Variants in IFNGR1 observed in about 807,000 individuals in gnomAD.
The protein encoded by IFNGR1 is AVP, type 2.
IFNGR1 carries 23 observed loss-of-function variants against 35.4 expected under a neutral mutation model. The ratio of observed to expected loss-of-function variants is 0.65; its 90% CI spans 0.47 to 0.92. The LOEUF (loss-of-function observed/expected upper bound fraction) is 0.92, where lower values mean the gene tolerates loss of function less well. Among genes scored for constraint, IFNGR1 ranks in the 40% least tolerant of loss-of-function variants. The probability of loss-of-function intolerance (pLI) is 0.00; values close to 1 mark genes in which losing one functional copy is unlikely to be tolerated. For synonymous variants in IFNGR1, 199 were observed against 209.5 expected, an observed-to-expected ratio of 0.95 and a Z score of 0.43; for missense variants, 533 against 583.4, an observed-to-expected ratio of 0.91 and a Z score of 0.89.
At position 137,203,386 on chromosome 6, in the gene IFNGR1, T is replaced by C. The variant is rs534795295; in HGVS notation, c.733+113A>G. The C allele has an allele frequency of 1.1e-5, 8 of 716,300 alleles. No individual in the cohort carries two copies. In the African/African-American group the frequency reaches 1.4e-4, roughly 13 times the overall value. The allele number at this position is 716,300 out of a possible 1,614,324, so 44.4% of individuals were successfully genotyped here. A position where few individuals can be genotyped will look rare whatever the true frequency, so the allele number is the denominator to read the frequency against. On this transcript the variant is annotated intron_variant, in intron 5 of 6. Coordinates refer to ENST00000367739, the MANE Select transcript of IFNGR1 (RefSeq NM_000416.3). ...CTCTAAGGAATGGAACTAATGCAAATGAATATTGTTAAAACAGATCTTTTG... is the reference window on the plus strand; with the variant it reads ...CTCTAAGGAATGGAACTAATGCAAACGAATATTGTTAAAACAGATCTTTTG...
chr6:137,199,486 A>G (rs189510084), intron 6 of IFNGR1, among the ~76,000 whole-genome samples: 1 of 84,170 alleles, frequency 1.2e-5, no homozygotes, highest in African/African-American at 4.6e-5. Flanking sequence ...TATAATTTAT[A>G]ATATATTATA....
intron 1 of IFNGR1, among the ~76,000 whole-genome samples, chr6:137,218,049 A>G (rs962484356): frequency 2.0e-5 from 3 of 152,208 alleles, no homozygotes; most frequent in Admixed American, 2.0e-4. Flanking sequence ...GCAACTGCCC[A>G]TGTGGATGAC....
Position 137,219,342 on chromosome 6 carries a change from T to C in IFNGR1, c.-15A>G. 1 of 1,595,920 alleles carries C rather than the reference T, an allele frequency of 6.3e-7. No homozygotes were observed. Among genetic ancestry groups the C allele is most frequent in the South Asian group, 1.1e-5 (1 of 88,018 alleles). On this transcript the variant is annotated 5_prime_UTR_variant, in exon 1 of 7. Coordinates refer to ENST00000367739, the MANE Select transcript of IFNGR1 (RefSeq NM_000416.3). ...AGGAGAGCCATGCTGCTACCGACGG[T>C]CGCTGGCTCCAACCCCGAGCGCCTG...
intron 1 of IFNGR1, among the ~76,000 whole-genome samples, chr6:137,211,604 T>C (rs1779576172): frequency 6.6e-6 from 1 of 152,332 alleles, no homozygotes; most frequent in East Asian, 1.9e-4. Context: ...TCTAAGCAAC[T>C]TCCTTGTAGG....
At chr6:137,207,767 T>G (rs930469619) in intron 1 of IFNGR1, among the ~76,000 whole-genome samples, 3 of 152,142 alleles carry the variant, frequency 2.0e-5, no homozygotes, top group Admixed American at 2.0e-4. Context: ...TTCCCAGTCT[T>G]GGGCATGTCT....
intron 1 of IFNGR1, among the ~76,000 whole-genome samples, chr6:137,209,315 T>C (rs903078727): frequency 1.3e-5 from 2 of 152,134 alleles, no homozygotes; most frequent in East Asian, 1.9e-4. Context: ...TTGGAAGGCA[T>C]GATTGGTTTT....
chr6:137,205,965 C>T (rs1779417772), intron 3 of IFNGR1, among the ~76,000 whole-genome samples, 171 bp downstream of exon 3: 1 of 152,190 alleles, frequency 6.6e-6, no homozygotes, highest in Non-Finnish European at 1.5e-5. Flanking sequence ...GATTTTGGAG[C>T]ATTCTGGGTT....
At chr6:137,202,515 T>C (rs968833093) in intron 5 of IFNGR1, among the ~76,000 whole-genome samples, 1 of 152,100 alleles carries the variant, frequency 6.6e-6, no homozygotes, top group African/African-American at 2.4e-5. Context: ...AGCCTATATT[T>C]CCATTCCTCG....
intron 6 of IFNGR1, among the ~76,000 whole-genome samples, chr6:137,200,489 T>G (rs1779251626): frequency 6.6e-6 from 1 of 152,242 alleles, no homozygotes; most frequent in Non-Finnish European, 1.5e-5. Flanking sequence ...AACTCCTGTA[T>G]GTCCCTCAAG....
chr6:137,215,137 T>C, intron 1 of IFNGR1: 1 of 1,153,086 alleles, frequency 8.7e-7, no homozygotes, highest in Non-Finnish European at 1.2e-6. Flanking sequence ...CCATACATAT[T>C]TTACCAATGA....
Position 137,206,184 on chromosome 6 carries a change from T to C in IFNGR1, c.325A>G (p.Lys109Glu), listed in dbSNP as rs780883054. ...WVRVKARVGQ[K>E]ESAYAKSEEF... Reference sequence around the variant, plus strand: ...TCTGACTTTGCATAGGCAGATTCTTTTTGTCCAACCCTGGCTTTAACTCTG... The same window carrying C: ...TCTGACTTTGCATAGGCAGATTCTTCTTGTCCAACCCTGGCTTTAACTCTG... Residue 109 changes from lysine (K) to glutamate (E), a missense_variant, in exon 3 of 7, where the codon AAA becomes GAA. By Grantham distance (56) the Lys-to-Glu change is moderately conservative. Coordinates refer to ENST00000367739, the MANE Select transcript of IFNGR1 (RefSeq NM_000416.3). 3 of 1,614,046 alleles carry C rather than the reference T, an allele frequency of 1.9e-6. No individual in the cohort carries two copies. The African/African-American group carries it at 4.0e-5, about 22-fold the overall frequency.
chr6:137,198,431 G>A lies in IFNGR1; in HGVS notation c.1070C>T (p.Thr357Ile). 1 of 1,614,156 alleles carries A rather than the reference G, an allele frequency of 6.2e-7. No individual in the cohort carries two copies. Among genetic ancestry groups the A allele is most frequent in the Non-Finnish European group, 8.5e-7 (1 of 1,180,030 alleles). ...CACGTCAGGAATATTTTCTTCAGTA[G>A]TCACCACTTCTGTTATACTAGAAAG... is the stretch of plus-strand genomic sequence containing the variant. ...EELSSITEVV[T>I]TEENIPDVVP... Residue 357 changes from threonine (T) to isoleucine (I), a missense_variant, in exon 7 of 7, where the codon ACT becomes ATT. Thr to Ile is a moderately conservative substitution (Grantham distance 89). Transcript: ENST00000367739.
chr6:137,199,215 C>T lies in IFNGR1; in HGVS notation c.862-576G>A, dbSNP rs373598501. 1.0e-4 allele frequency among the ~76,000 whole-genome samples: 15 copies of T among 148,198 alleles called. No individual in the cohort carries two copies. The South Asian group carries it at 1.9e-3, about 19-fold the overall frequency. ...CCTTGCTCCTCAGCCTGCAGATGGC[C>T]TATTGTGGGACCTCTGATCGTGTGA... is the stretch of plus-strand genomic sequence containing the variant. On this transcript the variant is annotated intron_variant, in intron 6 of 6. Transcript: ENST00000367739.
intron 5 of IFNGR1, 122 bp from the exon 6 acceptor site, chr6:137,201,130 G>T: frequency 9.9e-7 from 1 of 1,014,810 alleles, no homozygotes; most frequent in Non-Finnish European, 1.5e-6. Context: ...GAGTTTTAAA[G>T]AACACTGAAG....
At chr6:137,205,398 C>T (rs199938408) in intron 3 of IFNGR1, among the ~76,000 whole-genome samples, 2 of 152,054 alleles carry the variant, frequency 1.3e-5, no homozygotes, top group Non-Finnish European at 2.9e-5. Flanking sequence ...AGTTGGAATA[C>T]AGGAACTGGA....
intron 5 of IFNGR1, among the ~76,000 whole-genome samples, chr6:137,201,710 T>C (rs1779282603): frequency 6.6e-6 from 1 of 151,962 alleles, no homozygotes; most frequent in African/African-American, 2.4e-5. Flanking sequence ...AGAAAGAAAT[T>C]CTGGCAATGT....
At chr6:137,201,911 A>T (rs1779287001) in intron 5 of IFNGR1, among the ~76,000 whole-genome samples, 1 of 152,156 alleles carries the variant, frequency 6.6e-6, no homozygotes, top group South Asian at 2.1e-4. Context: ...AAGCACATAC[A>T]TCTAGAATCA....
rs183864706 is a variant in IFNGR1, at chr6:137,210,775, G to A, written c.86-3698C>T. ...CTTCAGATTTCCTGATCTGTCATGA[G>A]GTGTTACTTTCATATCCCTAAGATA... On this transcript the variant is annotated intron_variant, in intron 1 of 6. Transcript: ENST00000367739. Among the ~76,000 whole-genome samples the A allele has an allele frequency of 2.0e-3, 307 of 152,266 alleles. 7 individuals are homozygous for A. Among genetic ancestry groups the A allele is most frequent in the Admixed American group, 0.019 (295 of 15,286 alleles).
chr6:137,210,923 T>A (rs1196919959), intron 1 of IFNGR1, among the ~76,000 whole-genome samples: 1 of 152,176 alleles, frequency 6.6e-6, no homozygotes, highest in Non-Finnish European at 1.5e-5. Flanking sequence ...AAGCAGAACA[T>A]GGATTAAGAG....
Sources: allele counts gnomAD v4.1 joint callset (sites outside exome capture counted in the v4.1 genomes callset), GRCh38; gene constraint gnomAD v4.1.1; transcripts MANE v1.5; gene names NCBI Gene and HGNC (gene_info 2026-07-23, HGNC 2026-07-21).